VIPR2: variants seen among roughly 807,000 people sequenced by gnomAD.
VIPR2 encodes the protein vasoactive intestinal peptide receptor 2, also known as vasoactive intestinal polypeptide receptor 2.
Under a neutral mutation model 58.0 loss-of-function variants are expected in VIPR2, and 48 were observed. That is an observed-to-expected ratio of 0.83 (90% CI 0.66 to 1.05). VIPR2 has a LOEUF of 1.05. Among genes scored for constraint, VIPR2 ranks in the 50% least tolerant of loss-of-function variants. The pLI is 0.00. For missense variants in VIPR2, 534 were observed against 558.0 expected, an observed-to-expected ratio of 0.96 and a Z score of 0.43; for synonymous variants, 243 against 235.2, an observed-to-expected ratio of 1.03 and a Z score of -0.30.
rs1857608840 is a variant in VIPR2 at position 159,093,357 on chromosome 7, G to A, written c.357+10400C>T. Among the ~76,000 whole-genome samples the A allele has an allele frequency of 6.6e-6, 1 of 152,224 alleles. No individual in the cohort carries two copies. Among genetic ancestry groups the A allele is most frequent in the Non-Finnish European group, 1.5e-5 (1 of 68,048 alleles). Reference sequence around the variant, plus strand: ...GAAATGGGAAACTCAGACCAACCGTGTTTTAAGAAGCGTCCTTTAGTAGAA... The same window carrying A: ...GAAATGGGAAACTCAGACCAACCGTATTTTAAGAAGCGTCCTTTAGTAGAA... On this transcript the variant is annotated intron_variant, in intron 4 of 12. Coordinates refer to ENST00000262178, the MANE Select transcript of VIPR2 (RefSeq NM_003382.5). The surrounding 1 kb of genome is among the most constrained non-coding windows in gnomAD (Gnocchi z 6.7).
At chr7:159,038,333 A>C (rs1459793277) in intron 6 of VIPR2, among the ~76,000 whole-genome samples, 1 of 151,964 alleles carries the variant, frequency 6.6e-6, no homozygotes, top group Non-Finnish European at 1.5e-5. Context: ...GAGACACTGC[A>C]CAGGTGAGAG....
At chr7:159,137,846 C>A (rs1235782327) in intron 2 of VIPR2, among the ~76,000 whole-genome samples, 2 of 152,102 alleles carry the variant, frequency 1.3e-5, no homozygotes. Flanking sequence ...GTTATTTGGA[C>A]TAGAACAAGG....
At position 159,030,679 on chromosome 7, in the gene VIPR2, G is replaced by T; in HGVS notation, c.1254C>A (p.Ala418=). ...SSFSRNGSEG[A]LQFHRGSRAQ... is the part of the protein sequence containing the mutation. ...CGCGGGAGCCGCGGTGGAACTGCAGGGCGCCCTCCGAGCCGTTGCGGGAGA... is the reference window on the plus strand; with the variant it reads ...CGCGGGAGCCGCGGTGGAACTGCAGTGCGCCCTCCGAGCCGTTGCGGGAGA... The change falls in exon 13 of 13, where the codon GCC becomes GCA. Residue 418 remains alanine, a synonymous_variant. Coordinates refer to ENST00000262178, the MANE Select transcript of VIPR2 (RefSeq NM_003382.5). 6.4e-7 allele frequency: 1 copy of T among 1,569,062 alleles called. No individual in the cohort carries two copies.
chr7:159,032,031 C>G lies in VIPR2; in HGVS notation c.1008G>C (p.Leu336=), dbSNP rs1467513121. 1.9e-6 allele frequency: 3 copies of G among 1,613,984 alleles called. No homozygotes were observed. The highest frequency in any genetic ancestry group is 2.5e-6 in the Non-Finnish European group (3 of 1,180,040). The part of the protein sequence containing the change: ...LAKSTLLLIP[L]FGVHYMVFAV... ...CAAACACCATGTAGTGGACGCCGAA[C>G]AGCGGGATAAGCAGGAGCGTGGACT... Residue 336 remains leucine (L), a synonymous_variant, in exon 11 of 13, where the codon CTG becomes CTC. Transcript: ENST00000262178.
At chr7:159,054,518 T>C (rs1855189023) in intron 5 of VIPR2, among the ~76,000 whole-genome samples, 2 of 152,250 alleles carry the variant, frequency 1.3e-5, no homozygotes, top group South Asian at 4.1e-4. Flanking sequence ...CAAACTCATT[T>C]TGAAATGGCA....
intron 4 of VIPR2, among the ~76,000 whole-genome samples, chr7:159,083,584 A>C (rs2864947): frequency 0.099 from 15,117 of 152,226 alleles, 1,917 homozygotes; most frequent in African/African-American, 0.3. Context: ...AGCCACAGCC[A>C]GGGCAGCCAG....
chr7:159,083,480 C>T (rs1253038937), intron 4 of VIPR2, among the ~76,000 whole-genome samples: 2 of 152,218 alleles, frequency 1.3e-5, no homozygotes, highest in Non-Finnish European at 2.9e-5. Flanking sequence ...CCTTCCAGCT[C>T]CACCTTTCCA....
In VIPR2 at chr7:159,034,154, G is replaced by T. The variant is rs1585324573; in HGVS notation, c.971+59C>A. On this transcript the variant is annotated intron_variant, in intron 10 of 12. Coordinates refer to ENST00000262178, the MANE Select transcript of VIPR2 (RefSeq NM_003382.5). ...CCAGGGCCTTCCTGGCAGCGTGGGG[G>T]TCTCCTGTCTCCACACGGCATCCCC... The T allele has an allele frequency of 1.2e-5, 18 of 1,556,666 alleles. No homozygotes were observed. In the Middle Eastern group the frequency reaches 5.1e-4, roughly 44 times the overall value.
intron 2 of VIPR2, among the ~76,000 whole-genome samples, chr7:159,111,611 T>C (rs6976646): frequency 0.35 from 53,155 of 151,042 alleles, 11,160 homozygotes; most frequent in African/African-American, 0.6. Context: ...ACCCAGAAGG[T>C]GGAGGTTGCA....
intron 4 of VIPR2, among the ~76,000 whole-genome samples, chr7:159,074,825 GAACA>G (rs1421873302): frequency 6.6e-6 from 1 of 151,922 alleles, no homozygotes; most frequent in African/African-American, 2.4e-5. Context: ...CTGTCACAAT[GAACA>G]AACAAACAAA....
chr7:159,142,811 T>C (rs1797527359), intron 1 of VIPR2, among the ~76,000 whole-genome samples: 1 of 152,190 alleles, frequency 6.6e-6, no homozygotes, highest in South Asian at 2.1e-4. Flanking sequence ...AATACATCGG[T>C]ACTAATTTGG....
At chr7:159,136,146 G>A (rs982220578) in intron 2 of VIPR2, among the ~76,000 whole-genome samples, 3 of 152,218 alleles carry the variant, frequency 2.0e-5, no homozygotes, top group Non-Finnish European at 4.4e-5. Context: ...TTATGAGGCT[G>A]GATAAATCCA....
chr7:159,117,239 G>T, intron 2 of VIPR2: 1 of 703,042 alleles, frequency 1.4e-6, no homozygotes, highest in South Asian at 1.5e-5. Flanking sequence ...GACTGCATGG[G>T]ACTTGCTTTA....
intron 2 of VIPR2, among the ~76,000 whole-genome samples, chr7:159,129,797 C>T (rs113609153): frequency 3.3e-3 from 310 of 92,828 alleles, no homozygotes; most frequent in African/African-American, 9.4e-3. Context: ...GGGGACAGGG[C>T]CAGGTGACCA....
chr7:159,061,874 G>A (rs1285925026), intron 4 of VIPR2, among the ~76,000 whole-genome samples: 1 of 152,080 alleles, frequency 6.6e-6, no homozygotes, highest in Admixed American at 6.5e-5. Flanking sequence ...AAGCCAGGCC[G>A]GCTCGGACGC....
At chr7:159,132,690 C>CGG (rs563969926) in intron 2 of VIPR2, among the ~76,000 whole-genome samples, 552 of 151,790 alleles carry the variant, frequency 3.6e-3, no homozygotes, top group South Asian at 8.6e-3. Flanking sequence ...CATTCACGGA[C>CGG]GGGCTCATTC....
At chr7:159,115,015 T>C (rs1305690235) in intron 2 of VIPR2, among the ~76,000 whole-genome samples, 3 of 152,150 alleles carry the variant, frequency 2.0e-5, no homozygotes, top group Non-Finnish European at 4.4e-5. Flanking sequence ...GAGGTATAAA[T>C]TGGTAAAAAG....
intron 4 of VIPR2, among the ~76,000 whole-genome samples, chr7:159,085,911 G>A (rs1160896536): frequency 2.0e-5 from 3 of 152,268 alleles, no homozygotes; most frequent in South Asian, 2.1e-4. Context: ...CGACCCGCGC[G>A]ATGCTGTGAT....
chr7:159,036,444 C>T (rs900751501), intron 7 of VIPR2, among the ~76,000 whole-genome samples: 3 of 152,164 alleles, frequency 2.0e-5, no homozygotes, highest in Admixed American at 6.5e-5. Context: ...CTCTGATCCC[C>T]ACCCTCAGTG....
Sources: gnomAD v4.1 joint callset for allele counts (sites outside exome capture counted in the v4.1 genomes callset) on GRCh38, gnomAD v4.1.1 for gene constraint, Gnocchi (gnomAD v3.1) non-coding constraint, MANE v1.5 for transcripts, NCBI Gene and HGNC (gene_info 2026-07-23, HGNC 2026-07-21) for gene names.